Variants in NFIA observed in about 807,000 individuals in gnomAD.
NFIA encodes the protein nuclear factor I A, also known as nuclear factor 1 A-type.
Under a neutral mutation model 62.8 loss-of-function variants are expected in NFIA, and 8 were observed. The ratio of observed to expected loss-of-function variants is 0.13; its 90% CI spans 0.07 to 0.23. The LOEUF (loss-of-function observed/expected upper bound fraction) is 0.23. Among genes scored for constraint, NFIA ranks in the 10% least tolerant of loss-of-function variants. The pLI, the probability that NFIA is intolerant of heterozygous loss-of-function variation, is 1.00. For synonymous variants in NFIA, 235 were observed against 238.1 expected, an observed-to-expected ratio of 0.99 and a Z score of 0.12; for missense variants, 410 against 642.1, an observed-to-expected ratio of 0.64 and a Z score of 3.91.
intron 2 of NFIA, among the ~76,000 whole-genome samples, chr1:61,115,330 T>C (rs1281583386): frequency 6.6e-6 from 1 of 152,190 alleles, no homozygotes; most frequent in East Asian, 1.9e-4. Flanking sequence ...TGGTACAGGT[T>C]GGTAGAAGAA....
chr1:61,214,713 T>G (rs986852028), intron 2 of NFIA, among the ~76,000 whole-genome samples: 6 of 152,212 alleles, frequency 3.9e-5, no homozygotes, highest in African/African-American at 7.2e-5. Context: ...TAATATATAG[T>G]AGCTAAGCTC....
At chr1:61,417,891 A>C (rs1666427718) in intron 9 of NFIA, among the ~76,000 whole-genome samples, 1 of 152,076 alleles carries the variant, frequency 6.6e-6, no homozygotes, top group Non-Finnish European at 1.5e-5. Flanking sequence ...GACCTGTTGG[A>C]TATCACAGAG....
chr1:61,313,793 T>G (rs1660234116), intron 3 of NFIA, among the ~76,000 whole-genome samples: 2 of 152,222 alleles, frequency 1.3e-5, no homozygotes, highest in South Asian at 2.1e-4. Context: ...CTTCCAAACC[T>G]GTTCTAAGTG....
chr1:61,343,344 A>G (rs1662030906), intron 4 of NFIA, among the ~76,000 whole-genome samples: 1 of 152,186 alleles, frequency 6.6e-6, no homozygotes, highest in Admixed American at 6.5e-5. Flanking sequence ...TTCCTATTTT[A>G]ATGAAACAGA....
chr1:61,271,783 C>T (rs1184267473), intron 2 of NFIA, among the ~76,000 whole-genome samples: 2 of 152,194 alleles, frequency 1.3e-5, no homozygotes, highest in Non-Finnish European at 2.9e-5. Context: ...ACTGCAGTTA[C>T]CGTGTACATA....
At chr1:61,141,921 G>A (rs1290334108) in intron 2 of NFIA, among the ~76,000 whole-genome samples, 2 of 152,148 alleles carry the variant, frequency 1.3e-5, no homozygotes, top group Non-Finnish European at 2.9e-5. Context: ...ATCTGCCCCC[G>A]TGATGGTGAG....
At chr1:61,351,801 A>G (rs1490919671) in intron 4 of NFIA, among the ~76,000 whole-genome samples, 3 of 152,276 alleles carry the variant, frequency 2.0e-5, no homozygotes, top group Non-Finnish European at 2.9e-5. Flanking sequence ...TGTTGCAGCT[A>G]CTCGTCTCTG....
intron 7 of NFIA, among the ~76,000 whole-genome samples, chr1:61,393,022 T>C (rs1665061489): frequency 6.6e-6 from 1 of 151,944 alleles, no homozygotes; most frequent in African/African-American, 2.4e-5. Flanking sequence ...CTGAGCAAGG[T>C]TTCTTAGAAA....
intron 2 of NFIA, among the ~76,000 whole-genome samples, chr1:61,184,590 T>G (rs985789631): frequency 5.3e-5 from 8 of 152,226 alleles, no homozygotes; most frequent in Admixed American, 2.0e-4. Flanking sequence ...GAAGAGAGCT[T>G]CTCTGCTGAG....
At chr1:61,117,555 G>A (rs1646813347) in intron 2 of NFIA, among the ~76,000 whole-genome samples, 1 of 151,956 alleles carries the variant, frequency 6.6e-6, no homozygotes, top group Admixed American at 6.6e-5. Context: ...TTATATTAAT[G>A]TAACTATATA....
At chr1:61,347,428 C>T (rs966732709) in intron 4 of NFIA, among the ~76,000 whole-genome samples, 17 of 152,110 alleles carry the variant, frequency 1.1e-4, no homozygotes, top group East Asian at 9.7e-4. Flanking sequence ...CTGCCTCAGC[C>T]TCCCAAAGTG....
chr1:61,279,957 G>C (rs1182145202), intron 3 of NFIA, among the ~76,000 whole-genome samples: 1 of 152,190 alleles, frequency 6.6e-6, no homozygotes, highest in Non-Finnish European at 1.5e-5. Context: ...AATCATGTGA[G>C]TTCAAAGAAA....
intron 2 of NFIA, among the ~76,000 whole-genome samples, chr1:61,096,070 T>TA (rs542698003): frequency 1.6e-3 from 249 of 152,284 alleles, no homozygotes; most frequent in African/African-American, 5.7e-3. Context: ...TGTGTGTAAT[T>TA]ATTTAAAATA....
At chr1:61,145,671 G>A (rs1419045475) in intron 2 of NFIA, among the ~76,000 whole-genome samples, 2 of 152,164 alleles carry the variant, frequency 1.3e-5, no homozygotes, top group East Asian at 1.9e-4. Flanking sequence ...CTAGGGTGGT[G>A]TTGGGTGCAT....
intron 9 of NFIA, among the ~76,000 whole-genome samples, chr1:61,417,897 C>T (rs1484226165): frequency 6.6e-6 from 1 of 151,974 alleles, no homozygotes; most frequent in Non-Finnish European, 1.5e-5. Flanking sequence ...TTGGATATCA[C>T]AGAGGGGTAA....
chr1:61,218,956 G>T (rs1184995536), intron 2 of NFIA, among the ~76,000 whole-genome samples: 1 of 152,194 alleles, frequency 6.6e-6, no homozygotes, highest in African/African-American at 2.4e-5. Context: ...ACTCAGCCAG[G>T]CGTGGTGGCT....
upstream of NFIA, among the ~76,000 whole-genome samples, chr1:61,079,867 C>G (rs1200909255): frequency 3.3e-5 from 5 of 152,140 alleles, no homozygotes; most frequent in African/African-American, 1.2e-4. Flanking sequence ...ACATCTGTTT[C>G]TTTGTGCGTG....
At position 61,432,049 on chromosome 1, in the gene NFIA, A is replaced by G. The variant is rs552977992; in HGVS notation, c.1512+5493A>G. Among the ~76,000 whole-genome samples the G allele has an allele frequency of 1.2e-4, 19 of 152,284 alleles. No homozygotes were observed. The South Asian group carries it at 3.9e-3, about 32-fold the overall frequency. ...ATGGTAATGACAACACCAACATCAA[A>G]ACAGTGTAATCGCAGTACTATAAAG... On this transcript the variant is annotated intron_variant, in intron 10 of 10. Coordinates refer to ENST00000403491, the MANE Select transcript of NFIA (RefSeq NM_001134673.4).
intron 2 of NFIA, among the ~76,000 whole-genome samples, chr1:61,212,064 G>A (rs1215689892): frequency 6.6e-6 from 1 of 152,158 alleles, no homozygotes; most frequent in South Asian, 2.1e-4. Flanking sequence ...TAGCAAATTG[G>A]GTTGTTGGAT....
Sources: gnomAD v4.1 joint callset for allele counts (sites outside exome capture counted in the v4.1 genomes callset) on GRCh38, gnomAD v4.1.1 for gene constraint, MANE v1.5 for transcripts, NCBI Gene and HGNC (gene_info 2026-07-23, HGNC 2026-07-21) for gene names.